The following TIMD4 variants were observed in gnomAD, a reference collection of about 807,000 sequenced individuals.
TIMD4 encodes the protein T cell immunoglobulin and mucin domain containing 4.
Under a neutral mutation model 41.2 loss-of-function variants are expected in TIMD4, and 31 were observed. That is an observed-to-expected ratio of 0.75 (90% CI 0.57 to 1.01). The LOEUF (loss-of-function observed/expected upper bound fraction) is 1.01. Ranked by LOEUF, TIMD4 falls within the 50% of genes least tolerant of loss-of-function variation. The probability of loss-of-function intolerance (pLI) is 0.00; values close to 1 mark genes in which losing one functional copy is unlikely to be tolerated. For missense variants in TIMD4, 479 were observed against 472.5 expected (o/e 1.01, Z -0.13); for synonymous variants, 204 against 177.1 (o/e 1.15, Z -1.21).
At chr5:156,959,990 C>CCGAG (rs1760049169) in intron 1 of TIMD4, among the ~76,000 whole-genome samples, 1 of 151,906 alleles carries the variant, frequency 6.6e-6, no homozygotes, top group African/African-American at 2.4e-5. Context: ...TTGCAGTGAG[C>CCGAG]CGAGATTGCA....
chr5:156,935,148 G>T (rs969515672), intron 5 of TIMD4, among the ~76,000 whole-genome samples: 20 of 151,792 alleles, frequency 1.3e-4, no homozygotes, highest in African/African-American at 4.6e-4. Context: ...ATGTTTAAGA[G>T]TTGGGAGGGA....
At chr5:156,939,968 G>A (rs893541040) in intron 5 of TIMD4, among the ~76,000 whole-genome samples, 10 of 152,150 alleles carry the variant, frequency 6.6e-5, no homozygotes, top group East Asian at 1.9e-4. Context: ...CTGCCTCTCC[G>A]TCGTCTCCGT....
intron 1 of TIMD4, among the ~76,000 whole-genome samples, chr5:156,962,498 A>G (rs577468504): frequency 1.6e-4 from 24 of 152,346 alleles, no homozygotes; most frequent in Non-Finnish European, 2.2e-4. Context: ...GTCATTTAAA[A>G]AGCCAGGTCT....
chr5:156,949,792 G>A (rs982325232), intron 3 of TIMD4, 61 bp from the exon 4 acceptor site: 54 of 1,036,016 alleles, frequency 5.2e-5, no homozygotes, highest in Admixed American at 1.6e-4. Flanking sequence ...TTTGTGGTGG[G>A]TGGTGGGATT....
chr5:156,962,267 A>G (rs770022167), intron 1 of TIMD4, among the ~76,000 whole-genome samples: 3 of 152,218 alleles, frequency 2.0e-5, no homozygotes, highest in Admixed American at 6.5e-5. Flanking sequence ...GAACATTTGA[A>G]ATGTTCTCAG....
intron 5 of TIMD4, among the ~76,000 whole-genome samples, chr5:156,946,661 T>G (rs1759749650): frequency 6.6e-6 from 1 of 151,474 alleles, no homozygotes. Context: ...GTATTTTTTT[T>G]TTTTTAGTAG....
intron 1 of TIMD4, among the ~76,000 whole-genome samples, chr5:156,958,038 C>T (rs1030148329): frequency 3.3e-5 from 5 of 151,874 alleles, no homozygotes; most frequent in East Asian, 1.9e-4. Context: ...CTTTGGGAGG[C>T]GGAGGCAGGC....
Position 156,949,520 on chromosome 5 carries a change from C to G in TIMD4, c.760+131G>C, listed in dbSNP as rs528662884. On this transcript the variant is annotated intron_variant, in intron 4 of 8. Coordinates refer to ENST00000274532, the MANE Select transcript of TIMD4 (RefSeq NM_138379.3). ...CAAAGGCTGCCTTGAGGCCAATTTG[C>G]CACAGGGGGATTTTATGGCACAAAA... 1.9e-4 allele frequency: 144 copies of G among 739,168 alleles called. 1 individual carries two copies. The highest frequency in any genetic ancestry group is 3.0e-4 in the Non-Finnish European group (128 of 422,434). The allele number at this position is 739,168 out of a possible 1,614,324, so 45.8% of individuals were successfully genotyped here. A position where few individuals can be genotyped will look rare whatever the true frequency, so the allele number is the denominator to read the frequency against.
At chr5:156,957,481 C>T (rs1235880526) in intron 1 of TIMD4, among the ~76,000 whole-genome samples, 1 of 126,900 alleles carries the variant, frequency 7.9e-6, no homozygotes, top group Non-Finnish European at 1.5e-5. Flanking sequence ...CCATTGCACT[C>T]CAGCCTGGGT....
chr5:156,928,093 C>G (rs1158248421), intron 5 of TIMD4, among the ~76,000 whole-genome samples: 1 of 152,054 alleles, frequency 6.6e-6, no homozygotes, highest in Non-Finnish European at 1.5e-5. Context: ...ATCAAGAGGT[C>G]AAGAGATCAA....
Position 156,922,113 on chromosome 5 carries a change from G to C in TIMD4, c.998C>G (p.Ala333Gly), listed in dbSNP as rs773468118. 2.5e-6 allele frequency: 4 copies of C among 1,613,480 alleles called. No individual in the cohort carries two copies. Among genetic ancestry groups the C allele is most frequent in the Admixed American group, 1.7e-5 (1 of 59,938 alleles). ...TCCCTCCTTACCTCTCAGGAGAAAC[G>C]CCACAAACAATGCGAAGAGCACAAA... ...LGFVLFALFVAFLLRGKLMET... is the reference protein window; with the variant it reads ...LGFVLFALFVGFLLRGKLMET... The change falls in exon 7 of 9, where the codon GCG becomes GGG. Residue 333 changes from alanine (A) to glycine (G), a missense_variant. Transcript: ENST00000274532.
At chr5:156,962,324 T>C (rs1753082013) in intron 1 of TIMD4, among the ~76,000 whole-genome samples, 1 of 151,908 alleles carries the variant, frequency 6.6e-6, no homozygotes, top group Admixed American at 6.5e-5. Context: ...CCAACTACCC[T>C]GATTCGATCA....
At chr5:156,962,927 C>T (rs373095270) in intron 1 of TIMD4, among the ~76,000 whole-genome samples, 2 of 152,106 alleles carry the variant, frequency 1.3e-5, no homozygotes, top group African/African-American at 4.8e-5. Flanking sequence ...CAAATTACCC[C>T]AGCCTAAAAC....
Position 156,951,525 on chromosome 5 carries a change from GGGCCCTTCCTTAGAA to G in TIMD4, c.651_665del (p.Ser218_Pro222del). Reference sequence around the variant, plus strand: ...ACATCTGCGTACCTGCAGTGAGGATGGGCCCTTCCTTAGAAGGCTCGGGAGTCAGAAGACCTGTGG... The same window carrying G: ...ACATCTGCGTACCTGCAGTGAGGATGGGCTCGGGAGTCAGAAGACCTGTGG... On this transcript the variant is annotated inframe_deletion, in exon 3 of 9. Coordinates refer to ENST00000274532, the MANE Select transcript of TIMD4 (RefSeq NM_138379.3). The G allele has an allele frequency of 1.9e-6, 3 of 1,614,162 alleles. No individual in the cohort carries two copies. Among genetic ancestry groups the G allele is most frequent in the African/African-American group, 1.3e-5 (1 of 75,052 alleles).
chr5:156,928,706 A>G (rs1221048516), intron 5 of TIMD4, among the ~76,000 whole-genome samples: 2 of 152,234 alleles, frequency 1.3e-5, no homozygotes, highest in East Asian at 3.8e-4. Flanking sequence ...GTTCATCAGG[A>G]AAGTGACTTG....
At chr5:156,953,480 A>G (rs1035609222) in intron 2 of TIMD4, among the ~76,000 whole-genome samples, 1 of 151,812 alleles carries the variant, frequency 6.6e-6, no homozygotes, top group African/African-American at 2.4e-5. Context: ...ACATGGTGAA[A>G]TCTCATCTCT....
intron 5 of TIMD4, among the ~76,000 whole-genome samples, chr5:156,930,396 T>A (rs1759425948): frequency 6.6e-6 from 1 of 152,222 alleles, no homozygotes; most frequent in Admixed American, 6.5e-5. Context: ...GAGCTGGGAT[T>A]TGAACTGTTT....
rs75303251 is a variant in TIMD4, at chr5:156,954,603, G to A, written c.212C>T (p.Thr71Ile). Reference protein sequence around the residue: ...YSGCKEALIRTDGMRVTSRKS... With the variant: ...YSGCKEALIRIDGMRVTSRKS... ...TCTTGAGGTCACCCTCATTCCATCA[G>A]TGCGGATGAGCGCCTCCTTGCAACC... Residue 71 changes from threonine (T) to isoleucine (I), a missense_variant, in exon 2 of 9, where the codon ACT (threonine) becomes ATT (isoleucine). By Grantham distance (89) the Thr-to-Ile change is moderately conservative. Transcript: ENST00000274532. 1 of 1,614,076 alleles carries A rather than the reference G, an allele frequency of 6.2e-7. No individual in the cohort carries two copies. Among genetic ancestry groups the A allele is most frequent in the Non-Finnish European group, 8.5e-7 (1 of 1,179,914 alleles).
In TIMD4 at chr5:156,919,424, C is replaced by T; in HGVS notation, c.*33G>A. ...CTTATTTTGACACTGGAGTGTCATG[C>T]CCCCATCCTCAATCTAACATGCTAC... is the stretch of plus-strand genomic sequence containing the variant. On this transcript the variant is annotated 3_prime_UTR_variant, in exon 9 of 9. Coordinates refer to ENST00000274532, the MANE Select transcript of TIMD4 (RefSeq NM_138379.3). 1 of 1,559,874 alleles carries T rather than the reference C, an allele frequency of 6.4e-7. No individual in the cohort carries two copies. The highest frequency in any genetic ancestry group is 8.7e-7 in the Non-Finnish European group (1 of 1,147,462).
Sources: gnomAD v4.1 joint callset for allele counts (sites outside exome capture counted in the v4.1 genomes callset) on GRCh38, gnomAD v4.1.1 for gene constraint, MANE v1.5 for transcripts, NCBI Gene and HGNC (gene_info 2026-07-23, HGNC 2026-07-21) for gene names.